ISLR: variants seen among roughly 807,000 people sequenced by gnomAD.
ISLR encodes immunoglobulin superfamily containing leucine rich repeat.
A neutral mutation model predicts 11.0 loss-of-function variants in ISLR; 9 were observed. The observed-to-expected ratio is 0.82, with a 90% CI of 0.49 to 1.43. The LOEUF (loss-of-function observed/expected upper bound fraction) is 1.43. ISLR is among the 40% of genes most tolerant of loss of function. The pLI is 0.00. For synonymous variants in ISLR, 262 were observed against 264.1 expected (o/e 0.99, Z 0.08); for missense variants, 510 against 576.4 (o/e 0.88, Z 1.18).
chr15:74,175,302 G>A lies in ISLR; in HGVS notation c.444G>A (p.Leu148=). 1 of 1,611,628 alleles carries A rather than the reference G, an allele frequency of 6.2e-7. No homozygotes were observed. Among genetic ancestry groups the A allele is most frequent in the Non-Finnish European group, 8.5e-7 (1 of 1,180,016 alleles). ...ACGCCTTCCGCAGCCTCCGTGCTCT[G>A]CGCTCGCTGCAACTCAACCACAACC... ...PRDAFRSLRA[L]RSLQLNHNRL... Residue 148 remains leucine, a synonymous_variant, in exon 2 of 2, where the codon CTG becomes CTA. Coordinates refer to ENST00000249842, the MANE Select transcript of ISLR (RefSeq NM_005545.4). The surrounding 1 kb of genome is among the most constrained non-coding windows in gnomAD (Gnocchi z 4.7).
Position 74,174,879 on chromosome 15 carries a change from CTGG to C in ISLR, c.25_27del (p.Trp9del). The C allele has an allele frequency of 2.6e-6, 4 of 1,535,990 alleles. No individual in the cohort carries two copies. The highest frequency in any genetic ancestry group is 3.5e-6 in the Non-Finnish European group (4 of 1,146,650). ...GCACCATGCAGGAGCTGCATCTGCT[CTGG>C]TGGGCGCTTCTCCTGGGCCTGGCTC... On this transcript the variant is annotated inframe_deletion, in exon 2 of 2. Coordinates refer to ENST00000249842, the MANE Select transcript of ISLR (RefSeq NM_005545.4).
chr15:74,175,101 G>A lies in ISLR; in HGVS notation c.243G>A (p.Leu81=). Residue 81 remains leucine, a synonymous_variant, in exon 2 of 2, where the codon CTG becomes CTA. Coordinates refer to ENST00000249842, the MANE Select transcript of ISLR (RefSeq NM_005545.4). This position sits in a 1 kb window ranked among gnomAD's most constrained non-coding sequence, Gnocchi z 4.7. The part of the protein sequence containing the change: ...REVPLLQSLW[L]AHNEIRTVAA... ...TGCCCCTGCTGCAGTCGCTGTGGCT[G>A]GCACACAATGAGATCCGCACGGTGG... 1 of 1,611,550 alleles carries A rather than the reference G, an allele frequency of 6.2e-7. No homozygotes were observed. Among genetic ancestry groups the A allele is most frequent in the Non-Finnish European group, 8.5e-7 (1 of 1,179,980 alleles).
In ISLR at chr15:74,175,647, G is replaced by A. The variant is rs559854332; in HGVS notation, c.789G>A (p.Pro263=). The change falls in exon 2 of 2, where the codon CCG becomes CCA. Residue 263 remains proline, a synonymous_variant. Coordinates refer to ENST00000249842, the MANE Select transcript of ISLR (RefSeq NM_005545.4). This position sits in a 1 kb window ranked among gnomAD's most constrained non-coding sequence, Gnocchi z 4.7. ...LALHCDVDGQ[P]APQLHWHIQI... ...TGCACTGTGATGTGGACGGGCAGCC[G>A]GCCCCTCAGCTTCACTGGCACATCC... 5.9e-5 allele frequency: 96 copies of A among 1,614,092 alleles called. 1 individual carries two copies. The South Asian group carries it at 8.0e-4, about 13-fold the overall frequency.
At position 74,176,352 on chromosome 15, in the gene ISLR, AACTC is replaced by A; in HGVS notation, c.*211_*214del. The A allele has an allele frequency of 2.0e-6, 1 of 507,174 alleles. No individual in the cohort carries two copies. The highest frequency in any genetic ancestry group is 4.5e-5 in the South Asian group (1 of 22,300). The allele number at this position is 507,174 out of a possible 1,614,324, so 31.4% of individuals were successfully genotyped here. A position where few individuals can be genotyped will look rare whatever the true frequency, so the allele number is the denominator to read the frequency against. ...TGACTAGGATAGAATTTGATCCCCT[AACTC>A]ACTGTCTGCGGTGCTCATTGCTGCT... On this transcript the variant is annotated 3_prime_UTR_variant, in exon 2 of 2. Coordinates refer to ENST00000249842, the MANE Select transcript of ISLR (RefSeq NM_005545.4).
At chr15:74,174,153 CA>C (rs1166598950) in intron 1 of ISLR, 134 bp downstream of exon 1, 1 of 152,468 alleles carries the variant, frequency 6.6e-6, no homozygotes, top group Non-Finnish European at 1.5e-5. Flanking sequence ...TGGAGCCGTC[CA>C]GGGGGCATCT....
In ISLR at chr15:74,174,993, G is replaced by T. The variant is rs745438577; in HGVS notation, c.135G>T (p.Pro45=). ...DCAYRDLESV[P]PGFPANVTTL... ...CCTACCGCGACCTAGAATCCGTGCCGCCTGGCTTCCCGGCCAATGTGACTA... is the reference window on the plus strand; with the variant it reads ...CCTACCGCGACCTAGAATCCGTGCCTCCTGGCTTCCCGGCCAATGTGACTA... Residue 45 remains proline, a synonymous_variant, in exon 2 of 2, where the codon CCG becomes CCT. Transcript: ENST00000249842. 7.4e-6 allele frequency: 12 copies of T among 1,612,562 alleles called. No individual in the cohort carries two copies. Among genetic ancestry groups the T allele is most frequent in the South Asian group, 1.1e-5 (1 of 90,894 alleles).
In ISLR at chr15:74,174,985, T is replaced by C. The variant is rs755342823; in HGVS notation, c.127T>C (p.Ser43Pro). 8.1e-6 allele frequency: 13 copies of C among 1,612,982 alleles called. No homozygotes were observed. Among genetic ancestry groups the C allele is most frequent in the Non-Finnish European group, 1.0e-5 (12 of 1,179,792 alleles). ...IADCAYRDLE[S>P]VPPGFPANVT... Reference sequence around the variant, plus strand: ...CGACTGTGCCTACCGCGACCTAGAATCCGTGCCGCCTGGCTTCCCGGCCAA... The same window carrying C: ...CGACTGTGCCTACCGCGACCTAGAACCCGTGCCGCCTGGCTTCCCGGCCAA... Residue 43 changes from serine (S) to proline (P), a missense_variant, in exon 2 of 2, where the codon TCC becomes CCC. Coordinates refer to ENST00000249842, the MANE Select transcript of ISLR (RefSeq NM_005545.4).
intron 1 of ISLR, 21 bp downstream of exon 1, chr15:74,174,040 G>C (rs1424103781): frequency 6.5e-6 from 1 of 152,938 alleles, no homozygotes; most frequent in Non-Finnish European, 1.5e-5. Flanking sequence ...GGGGAGGAGG[G>C]CTCCAGGGCC....
In ISLR at chr15:74,175,055, C is replaced by G. The variant is rs1292585718; in HGVS notation, c.197C>G (p.Pro66Arg). The change falls in exon 2 of 2, where the codon CCG becomes CGG. Residue 66 changes from proline to arginine, a missense_variant. Pro to Arg is a moderately radical substitution (Grantham distance 103, BLOSUM62 -2). Transcript: ENST00000249842. This position sits in a 1 kb window ranked among gnomAD's most constrained non-coding sequence, Gnocchi z 4.7. ...TCAGCCAACCGGCTGCCAGGCTTGC[C>G]GGAGGGTGCCTTCAGGGAGGTGCCC... ...SLSANRLPGL[P>R]EGAFREVPLL... is the part of the protein sequence containing the mutation. The G allele has an allele frequency of 6.2e-7, 1 of 1,611,170 alleles. No individual in the cohort carries two copies. The highest frequency in any genetic ancestry group is 1.7e-5 in the Admixed American group (1 of 59,686).
chr15:74,175,403 T>G lies in ISLR; in HGVS notation c.545T>G (p.Phe182Cys). Residue 182 changes from phenylalanine (F) to cysteine (C), a missense_variant, in exon 2 of 2, where the codon TTC becomes TGC. Coordinates refer to ENST00000249842, the MANE Select transcript of ISLR (RefSeq NM_005545.4). This position sits in a 1 kb window ranked among gnomAD's most constrained non-coding sequence, Gnocchi z 4.7. ...LSHLQINENPFDCTCGIVWLK... is the reference protein window; with the variant it reads ...LSHLQINENPCDCTCGIVWLK... Reference sequence around the variant, plus strand: ...CACCTGCAGATCAACGAGAACCCCTTCGACTGCACCTGCGGCATCGTGTGG... The same window carrying G: ...CACCTGCAGATCAACGAGAACCCCTGCGACTGCACCTGCGGCATCGTGTGG... 1 of 1,612,038 alleles carries G rather than the reference T, an allele frequency of 6.2e-7. No homozygotes were observed. The highest frequency in any genetic ancestry group is 8.5e-7 in the Non-Finnish European group (1 of 1,179,974).
rs2072780035 is a variant in ISLR at position 74,175,315 on chromosome 15, C to T, written c.457C>T (p.Leu153Phe). The change falls in exon 2 of 2, where the codon CTC (leucine) becomes TTC (phenylalanine). Residue 153 changes from leucine to phenylalanine, a missense_variant. Transcript: ENST00000249842. This position sits in a 1 kb window ranked among gnomAD's most constrained non-coding sequence, Gnocchi z 4.7. ...RSLRALRSLQLNHNRLHTLAE... is the reference protein window; with the variant it reads ...RSLRALRSLQFNHNRLHTLAE... The stretch of plus-strand genomic sequence containing the variant: ...CCTCCGTGCTCTGCGCTCGCTGCAA[C>T]TCAACCACAACCGCTTGCACACATT... The T allele has an allele frequency of 1.2e-6, 2 of 1,611,454 alleles. No homozygotes were observed. The highest frequency in any genetic ancestry group is 8.5e-7 in the Non-Finnish European group (1 of 1,180,016).
chr15:74,174,914 G>A lies in ISLR; in HGVS notation c.56G>A (p.Cys19Tyr). 1.3e-6 allele frequency: 2 copies of A among 1,591,974 alleles called. No homozygotes were observed. Among genetic ancestry groups the A allele is most frequent in the South Asian group, 2.3e-5 (2 of 85,890 alleles). ...CTTCTCCTGGGCCTGGCTCAGGCCT[G>A]CCCTGAGCCCTGCGACTGTGGGGAA... ...WALLLGLAQA[C>Y]PEPCDCGEKY... The change falls in exon 2 of 2, where the codon TGC (cysteine) becomes TAC (tyrosine). Residue 19 changes from cysteine to tyrosine, a missense_variant. Physicochemically the swap from Cys to Tyr is radical, Grantham distance 194 (BLOSUM62 -2). Transcript: ENST00000249842.
intron 1 of ISLR, 100 bp from the exon 2 acceptor site, chr15:74,174,751 G>A (rs2072771754): frequency 1.1e-6 from 1 of 898,590 alleles, no homozygotes; most frequent in East Asian, 2.7e-5. Flanking sequence ...ATGTGGGACA[G>A]GGCCTCCTGA....
In ISLR at chr15:74,176,348, C is replaced by A; in HGVS notation, c.*203C>A. The A allele has an allele frequency of 1.9e-6, 1 of 516,180 alleles. No individual in the cohort carries two copies. The highest frequency in any genetic ancestry group is 3.5e-6 in the Non-Finnish European group (1 of 288,126). 32.0% of individuals were successfully genotyped at this position (516,180 alleles called of 1,614,324 possible). A position where few individuals can be genotyped will look rare whatever the true frequency, so the allele number is the denominator to read the frequency against. ...CTAGTGACTAGGATAGAATTTGATC[C>A]CCTAACTCACTGTCTGCGGTGCTCA... On this transcript the variant is annotated 3_prime_UTR_variant, in exon 2 of 2. Transcript: ENST00000249842.
chr15:74,176,323 C>G lies in ISLR; in HGVS notation c.*178C>G, dbSNP rs1249772817. ...CCCCAACTTCTAGACCTGCTCCAAA[C>G]TAGTGACTAGGATAGAATTTGATCC... On this transcript the variant is annotated 3_prime_UTR_variant, in exon 2 of 2. Transcript: ENST00000249842. 2 of 547,462 alleles carry G rather than the reference C, an allele frequency of 3.7e-6. No homozygotes were observed. Among genetic ancestry groups the G allele is most frequent in the Non-Finnish European group, 6.5e-6 (2 of 306,660 alleles). 33.9% of individuals were successfully genotyped at this position (547,462 alleles called of 1,614,324 possible).
chr15:74,176,456 C>A lies in ISLR; in HGVS notation c.*311C>A. The A allele has an allele frequency of 2.9e-6, 1 of 347,562 alleles. No individual in the cohort carries two copies. 21.5% of individuals were successfully genotyped at this position (347,562 alleles called of 1,614,324 possible). On this transcript the variant is annotated 3_prime_UTR_variant, in exon 2 of 2. Transcript: ENST00000249842. ...ACGTCCTAATCCAACTGGGAGAAGC[C>A]TCAGTGGTGGAATTCCAGGCACTGT...
Position 74,176,001 on chromosome 15 carries a change from G to A in ISLR, c.1143G>A (p.Pro381=), listed in dbSNP as rs143035066. 487 of 1,613,268 alleles carry A rather than the reference G, an allele frequency of 3.0e-4. No homozygotes were observed. The highest frequency in any genetic ancestry group is 5.0e-4 in the Middle Eastern group (3 of 6,058). ...ACAACGAGGTGCAGCCATCAGGGCC[G>A]GAGGACAATGTGGTCATCATCTACC... ...TVDNEVQPSG[P]EDNVVIIYLS... Residue 381 remains proline, a synonymous_variant, in exon 2 of 2, where the codon CCG becomes CCA. Coordinates refer to ENST00000249842, the MANE Select transcript of ISLR (RefSeq NM_005545.4).
Position 74,175,099 on chromosome 15 carries a change from C to G in ISLR, c.241C>G (p.Leu81Val). ...GGTGCCCCTGCTGCAGTCGCTGTGG[C>G]TGGCACACAATGAGATCCGCACGGT... ...REVPLLQSLW[L>V]AHNEIRTVAA... The change falls in exon 2 of 2, where the codon CTG becomes GTG. Residue 81 changes from leucine (L) to valine (V), a missense_variant. By Grantham distance (32) the Leu-to-Val change is conservative. Coordinates refer to ENST00000249842, the MANE Select transcript of ISLR (RefSeq NM_005545.4). This position sits in a 1 kb window ranked among gnomAD's most constrained non-coding sequence, Gnocchi z 4.7. 6.2e-7 allele frequency: 1 copy of G among 1,611,646 alleles called. No homozygotes were observed.
Position 74,175,115 on chromosome 15 carries a change from T to C in ISLR, c.257T>C (p.Ile86Thr). The change falls in exon 2 of 2, where the codon ATC (isoleucine) becomes ACC (threonine). Residue 86 changes from isoleucine to threonine, a missense_variant. Ile to Thr is a moderately conservative substitution (Grantham distance 89). Coordinates refer to ENST00000249842, the MANE Select transcript of ISLR (RefSeq NM_005545.4). The surrounding 1 kb of genome is among the most constrained non-coding windows in gnomAD (Gnocchi z 4.7). ...LQSLWLAHNE[I>T]RTVAAGALAS... ...TCGCTGTGGCTGGCACACAATGAGATCCGCACGGTGGCCGCCGGAGCCCTG... is the reference window on the plus strand; with the variant it reads ...TCGCTGTGGCTGGCACACAATGAGACCCGCACGGTGGCCGCCGGAGCCCTG... 6.2e-7 allele frequency: 1 copy of C among 1,610,760 alleles called. No homozygotes were observed.
Sources: gnomAD v4.1 joint callset for allele counts on GRCh38, gnomAD v4.1.1 for gene constraint, Gnocchi (gnomAD v3.1) non-coding constraint, MANE v1.5 for transcripts, NCBI Gene and HGNC (gene_info 2026-07-23, HGNC 2026-07-21) for gene names.